CFAP43: variants seen among roughly 807,000 people sequenced by gnomAD.
CFAP43 encodes cilia- and flagella-associated protein 43.
In CFAP43, 155 loss-of-function variants were observed where a neutral mutation model predicts 218.9. The ratio of observed to expected loss-of-function variants is 0.71; its 90% CI spans 0.62 to 0.81. The LOEUF (loss-of-function observed/expected upper bound fraction) is 0.81, where lower values mean the gene tolerates loss of function less well. Ranked by LOEUF, CFAP43 falls within the 30% of genes least tolerant of loss-of-function variation. The pLI is 0.00. For missense variants in CFAP43, 1,778 were observed against 1,954.3 expected, an observed-to-expected ratio of 0.91 and a Z score of 1.70; for synonymous variants, 645 against 681.3, an observed-to-expected ratio of 0.95 and a Z score of 0.83.
chr10:104,214,007 C>T (rs569645290), intron 4 of CFAP43, among the ~76,000 whole-genome samples: 35 of 152,204 alleles, frequency 2.3e-4, no homozygotes, highest in African/African-American at 8.4e-4. Flanking sequence ...TCTCAGAGAA[C>T]TTAATATTTT....
At chr10:104,199,614 A>G (rs2090473114) in intron 8 of CFAP43, among the ~76,000 whole-genome samples, 1 of 152,250 alleles carries the variant, frequency 6.6e-6, no homozygotes, top group South Asian at 2.1e-4. Flanking sequence ...GTAAGAAGAA[A>G]AAGAAAATAT....
At chr10:104,164,399 A>AT (rs61636691) in intron 23 of CFAP43, 99 bp from the exon 24 acceptor site, 79,129 of 782,050 alleles carry the variant, frequency 0.1, 1,684 homozygotes, top group African/African-American at 0.28. Context: ...CATTCCACAA[A>AT]TTTTTTTTTT....
chr10:104,186,589 CA>C (rs1444156869), intron 14 of CFAP43, among the ~76,000 whole-genome samples: 1 of 152,124 alleles, frequency 6.6e-6, no homozygotes, highest in Non-Finnish European at 1.5e-5. Context: ...CGCTGCCCAC[CA>C]AAATTGTATG....
intron 23 of CFAP43, among the ~76,000 whole-genome samples, chr10:104,165,561 GT>G (rs1564743707): frequency 1.3e-5 from 2 of 152,158 alleles, no homozygotes; most frequent in African/African-American, 4.8e-5. Flanking sequence ...TGGCTGGAGG[GT>G]TTTCAGGAAC....
rs779361584 is a variant in CFAP43 at position 104,144,717 on chromosome 10, C to T, written c.3944+759G>A. 2.6e-5 allele frequency among the ~76,000 whole-genome samples: 4 copies of T among 152,294 alleles called. No individual in the cohort carries two copies. In the South Asian group the frequency reaches 8.3e-4, roughly 32 times the overall value. On this transcript the variant is annotated intron_variant, in intron 31 of 37. Transcript: ENST00000357060. ...ATTCCCTAGGTTGCCTATAACCTGTCAGAGTTTGTATCTCAAACACAAACT... is the reference window on the plus strand; with the variant it reads ...ATTCCCTAGGTTGCCTATAACCTGTTAGAGTTTGTATCTCAAACACAAACT...
intron 27 of CFAP43, among the ~76,000 whole-genome samples, chr10:104,160,571 C>T (rs1162767332): frequency 2.0e-5 from 3 of 152,220 alleles, no homozygotes; most frequent in Non-Finnish European, 2.9e-5. Context: ...CAGAACTGCA[C>T]TGTAAAAACC....
chr10:104,185,009 T>C lies in CFAP43; in HGVS notation c.2141+7A>G. On this transcript the variant is annotated splice_region_variant and intron_variant, in intron 16 of 37. Transcript: ENST00000357060. ...ACATGGGGTTACTTACTGAATACTG[T>C]ACGTACTTCCACTTTAGGTAGACAA... 1 of 1,613,996 alleles carries C rather than the reference T, an allele frequency of 6.2e-7. No homozygotes were observed. The highest frequency in any genetic ancestry group is 8.5e-7 in the Non-Finnish European group (1 of 1,179,940).
At position 104,188,311 on chromosome 10, in the gene CFAP43, C is replaced by T; in HGVS notation, c.1646G>A (p.Ser549Asn). 1 of 1,614,118 alleles carries T rather than the reference C, an allele frequency of 6.2e-7. No individual in the cohort carries two copies. The highest frequency in any genetic ancestry group is 8.5e-7 in the Non-Finnish European group (1 of 1,180,000). ...VLSSLPEAGR[S>N]RLEMFTLPTL... is the part of the protein sequence containing the mutation. Reference sequence around the variant, plus strand: ...AGGCAGTGTGAACATCTCCAACCTGCTTCTCCCTGCTTCTGGAAGCGAGGA... The same window carrying T: ...AGGCAGTGTGAACATCTCCAACCTGTTTCTCCCTGCTTCTGGAAGCGAGGA... The change falls in exon 13 of 38, where the codon AGC becomes AAC. Residue 549 changes from serine (S) to asparagine (N), a missense_variant. This residue lies in a region of CFAP43 where 1,553 missense variants were observed against 1,685.2 expected (regional missense o/e 0.92). Coordinates refer to ENST00000357060, the MANE Select transcript of CFAP43 (RefSeq NM_025145.7).
chr10:104,157,775 T>TGTGTGAGAGAGAGAGA (rs1484523345), intron 27 of CFAP43, among the ~76,000 whole-genome samples: 28 of 90,160 alleles, frequency 3.1e-4, no homozygotes, highest in Middle Eastern at 6.7e-3. Context: ...TGTGTGTGTG[T>TGTGTGAGAGAGAGAGA]GAGAGAGAGA....
At chr10:104,213,777 C>T (rs977551338) in intron 4 of CFAP43, among the ~76,000 whole-genome samples, 11 of 152,258 alleles carry the variant, frequency 7.2e-5, no homozygotes, top group South Asian at 2.1e-4. Flanking sequence ...CCTCGTGATC[C>T]GCCTGCCTCG....
rs191141734 is a variant in CFAP43, at chr10:104,164,149, G to A, written c.3191C>T (p.Pro1064Leu). ...TGGCTTCTCACAGTCTTCAAATTCT[G>A]GTTGCCAGACTGCTTCTTCCAATTC... ...DLELEEAVWQ[P>L]EFEDCEKPER... Residue 1064 changes from proline to leucine, a missense_variant, in exon 24 of 38, where the codon CCA (proline) becomes CTA (leucine). Physicochemically the swap from Pro to Leu is moderately conservative, Grantham distance 98 (BLOSUM62 -3). Around this residue, in one of 3 missense-constraint regions of CFAP43, gnomAD observed 1,553 missense variants for 1,685.2 expected, o/e 0.92. Coordinates refer to ENST00000357060, the MANE Select transcript of CFAP43 (RefSeq NM_025145.7). 6.2e-7 allele frequency: 1 copy of A among 1,614,112 alleles called. No individual in the cohort carries two copies. The highest frequency in any genetic ancestry group is 2.2e-5 in the East Asian group (1 of 44,874).
chr10:104,192,626 C>A (rs2090263867), intron 11 of CFAP43: 1 of 268,986 alleles, frequency 3.7e-6, no homozygotes, highest in Non-Finnish European at 7.0e-6. Flanking sequence ...ATAAGCAATT[C>A]TCAAATTAGT....
At position 104,164,264 on chromosome 10, in the gene CFAP43, C is replaced by T. The variant is rs867584082; in HGVS notation, c.3076G>A (p.Glu1026Lys). Residue 1026 changes from glutamate to lysine, a missense_variant, in exon 24 of 38, where the codon GAG becomes AAG. Glu to Lys is a moderately conservative substitution (Grantham distance 56). Around this residue, in one of 3 missense-constraint regions of CFAP43, gnomAD observed 1,553 missense variants for 1,685.2 expected, o/e 0.92. Coordinates refer to ENST00000357060, the MANE Select transcript of CFAP43 (RefSeq NM_025145.7). Reference protein sequence around the residue: ...IYKVKTVFNNEFDAAYKQKEF... With the variant: ...IYKVKTVFNNKFDAAYKQKEF... ...TTTTGTTTATATGCAGCGTCAAACT[C>T]ATTATTGAAAACAGTTTTTACCTTG... The T allele has an allele frequency of 6.2e-7, 1 of 1,610,910 alleles. No individual in the cohort carries two copies. Among genetic ancestry groups the T allele is most frequent in the Non-Finnish European group, 8.5e-7 (1 of 1,178,082 alleles).
At chr10:104,182,311 C>A in intron 17 of CFAP43, 55 bp downstream of exon 17, 1 of 1,469,642 alleles carries the variant, frequency 6.8e-7, no homozygotes, top group Non-Finnish European at 9.0e-7. Context: ...CCGAAAACTT[C>A]TGATTTACAA....
At chr10:104,218,976 A>G (rs190401414) in intron 3 of CFAP43, 1 of 400,042 alleles carries the variant, frequency 2.5e-6, no homozygotes. Context: ...ACAGAAGGAA[A>G]CACATGTTGG....
At position 104,230,923 on chromosome 10, in the gene CFAP43, A is replaced by C. The variant is rs1464160033; in HGVS notation, c.66-80T>G. On this transcript the variant is annotated intron_variant, in intron 1 of 37. Transcript: ENST00000357060. ...TTTTAACAAAGCAAAGGGTCATCAA[A>C]ATCTTTGAAACATTTCTATTTTCAT... The C allele has an allele frequency of 2.8e-6, 4 of 1,425,060 alleles. No individual in the cohort carries two copies. The African/African-American group carries it at 5.7e-5, about 20-fold the overall frequency. 88.3% of individuals were successfully genotyped at this position (1,425,060 alleles called of 1,614,324 possible). A position where few individuals can be genotyped will look rare whatever the true frequency, so the allele number is the denominator to read the frequency against.
chr10:104,202,085 C>A (rs2090550986), intron 8 of CFAP43, among the ~76,000 whole-genome samples: 1 of 152,124 alleles, frequency 6.6e-6, no homozygotes, highest in Non-Finnish European at 1.5e-5. Context: ...GTGAAAGAAG[C>A]CATAAACAAT....
rs2089030972 is a variant in CFAP43, at chr10:104,164,249, A to G, written c.3091T>C (p.Tyr1031His). The change falls in exon 24 of 38, where the codon TAT (tyrosine) becomes CAT (histidine). Residue 1031 changes from tyrosine to histidine, a missense_variant. By Grantham distance (83) the Tyr-to-His change is moderately conservative. Around this residue, in one of 3 missense-constraint regions of CFAP43, gnomAD observed 1,553 missense variants for 1,685.2 expected, o/e 0.92. Transcript: ENST00000357060. The stretch of plus-strand genomic sequence containing the variant: ...GCAATTTCAAACTCTTTTTGTTTAT[A>G]TGCAGCGTCAAACTCATTATTGAAA... ...TVFNNEFDAA[Y>H]KQKEFEIARV... The G allele has an allele frequency of 6.2e-7, 1 of 1,613,158 alleles. No individual in the cohort carries two copies. The highest frequency in any genetic ancestry group is 8.5e-7 in the Non-Finnish European group (1 of 1,179,454).
intron 16 of CFAP43, 84 bp from the exon 17 acceptor site, chr10:104,182,597 T>A: frequency 7.7e-7 from 1 of 1,302,812 alleles, no homozygotes; most frequent in Non-Finnish European, 1.0e-6. Flanking sequence ...TTCAGGTAAC[T>A]AACCATTTCA....
Sources: gnomAD v4.1 joint callset for allele counts (sites outside exome capture counted in the v4.1 genomes callset) on GRCh38, gnomAD v4.1.1 for gene constraint, gnomAD v4.1.1 regional missense constraint, MANE v1.5 for transcripts, NCBI Gene and HGNC (gene_info 2026-07-23, HGNC 2026-07-21) for gene names.